NUB1: variants seen among roughly 807,000 people sequenced by gnomAD.
The protein encoded by NUB1 is negative regulator of ubiquitin like proteins 1.
A neutral mutation model predicts 77.1 loss-of-function variants in NUB1; 41 were observed. That is an observed-to-expected ratio of 0.53 (90% CI 0.41 to 0.69). The LOEUF is 0.69. Among genes scored for constraint, NUB1 ranks in the 30% least tolerant of loss-of-function variants. The pLI is 0.00. For synonymous variants in NUB1, 257 were observed against 281.0 expected (o/e 0.91, Z 0.85); for missense variants, 643 against 743.8 (o/e 0.86, Z 1.58).
At chr7:151,360,534 T>C in intron 8 of NUB1, 1 of 298,234 alleles carries the variant, frequency 3.4e-6, no homozygotes, top group Non-Finnish European at 6.2e-6. Context: ...TCCTGTCAGC[T>C]TTTCACCTAA....
chr7:151,349,016 T>C, intron 2 of NUB1, 57 bp from the exon 3 acceptor site: 1 of 1,528,874 alleles, frequency 6.5e-7, no homozygotes, highest in Non-Finnish European at 8.9e-7. Context: ...TGCCCTTTTC[T>C]ATATTTTGCC....
chr7:151,345,470 T>C lies in NUB1; in HGVS notation c.117+4T>C. On this transcript the variant is annotated splice_donor_region_variant and intron_variant, in intron 2 of 14. Transcript: ENST00000568733. ...AAAAGTTGGTTTGGCATTAAAGGTA[T>C]TTTTCTTTTAAGACATCAATAATTA... is the stretch of plus-strand genomic sequence containing the variant. 3 of 1,468,464 alleles carry C rather than the reference T, an allele frequency of 2.0e-6. No homozygotes were observed. The highest frequency in any genetic ancestry group is 1.2e-5 in the South Asian group (1 of 83,566). 91.0% of individuals were successfully genotyped at this position (1,468,464 alleles called of 1,614,324 possible).
chr7:151,377,076 A>G lies in NUB1; in HGVS notation c.1699A>G (p.Met567Val), dbSNP rs1260636496. The change falls in exon 15 of 15, where the codon ATG becomes GTG. Residue 567 changes from methionine (M) to valine (V), a missense_variant. By Grantham distance (21) the Met-to-Val change is conservative (BLOSUM62 1). Coordinates refer to ENST00000568733, the MANE Select transcript of NUB1 (RefSeq NM_001243351.2). ...GTSSASTDED[M>V]ETEAVNEILE... ...CTCTAGTGCCTCAACAGACGAAGAC[A>G]TGGAGACAGAGGCCGTCAATGAGAT... is the stretch of plus-strand genomic sequence containing the variant. 5 of 1,572,974 alleles carry G rather than the reference A, an allele frequency of 3.2e-6. No homozygotes were observed. The highest frequency in any genetic ancestry group is 1.7e-4 in the Middle Eastern group (1 of 6,000).
At chr7:151,356,786 C>G (rs1372634526) in intron 7 of NUB1, among the ~76,000 whole-genome samples, 1 of 152,182 alleles carries the variant, frequency 6.6e-6, no homozygotes, top group East Asian at 1.9e-4. Flanking sequence ...GGCTCAGTCT[C>G]AGCTCACTGC....
chr7:151,345,339 T>C lies in NUB1; in HGVS notation c.-2-9T>C. On this transcript the variant is annotated splice_polypyrimidine_tract_variant and intron_variant, in intron 1 of 14. Coordinates refer to ENST00000568733, the MANE Select transcript of NUB1 (RefSeq NM_001243351.2). ...GTGGAGTTTTATTAATGTATTGTTT[T>C]GCTTTCAGGGATGGCACAAAAGAAA... The C allele has an allele frequency of 6.5e-7, 1 of 1,547,472 alleles. No homozygotes were observed. Among genetic ancestry groups the C allele is most frequent in the South Asian group, 1.1e-5 (1 of 88,252 alleles).
At chr7:151,366,717 C>G (rs926303008) in intron 8 of NUB1, among the ~76,000 whole-genome samples, 1 of 152,158 alleles carries the variant, frequency 6.6e-6, no homozygotes, top group African/African-American at 2.4e-5. Context: ...GCTTTGATTC[C>G]TAAGCCCTGA....
At chr7:151,368,945 C>G in intron 11 of NUB1, 58 bp downstream of exon 11, 1 of 1,506,772 alleles carries the variant, frequency 6.6e-7, no homozygotes, top group East Asian at 2.4e-5. Context: ...AAAAGATAAT[C>G]CCACAGGAGT....
chr7:151,358,031 A>G (rs996378468), intron 7 of NUB1, among the ~76,000 whole-genome samples: 3 of 151,978 alleles, frequency 2.0e-5, no homozygotes, highest in Admixed American at 2.0e-4. Flanking sequence ...GCTAGAGTGC[A>G]GTGGCACAAT....
At chr7:151,342,535 T>G (rs1338100751) in intron 1 of NUB1, among the ~76,000 whole-genome samples, 2 of 152,222 alleles carry the variant, frequency 1.3e-5, no homozygotes, top group African/African-American at 4.8e-5. Context: ...TCGTCTTTTC[T>G]TAGTTACAAT....
intron 11 of NUB1, among the ~76,000 whole-genome samples, chr7:151,372,608 A>G (rs2108725): frequency 0.66 from 100,483 of 152,074 alleles, 33,726 homozygotes; most frequent in East Asian, 0.88. Context: ...TCCTGCTGGC[A>G]TGTGTGGTTG....
intron 2 of NUB1, among the ~76,000 whole-genome samples, chr7:151,347,958 A>T (rs775096357): frequency 2.6e-5 from 4 of 152,218 alleles, no homozygotes; most frequent in Non-Finnish European, 5.9e-5. Context: ...ACATGCAGAT[A>T]CAGATTGAGA....
At chr7:151,360,312 C>T in intron 8 of NUB1, 65 bp downstream of exon 8, 2 of 680,948 alleles carry the variant, frequency 2.9e-6, no homozygotes, top group South Asian at 1.7e-5. Context: ...TACAGAACAC[C>T]CTGCCATGCC....
chr7:151,362,240 GT>G (rs1041761026), intron 8 of NUB1, among the ~76,000 whole-genome samples: 2 of 149,896 alleles, frequency 1.3e-5, no homozygotes, highest in Admixed American at 1.3e-4. Flanking sequence ...AGTAGAGAAA[GT>G]TTTTTTTTTC....
At chr7:151,369,672 G>A (rs1174059159) in intron 11 of NUB1, among the ~76,000 whole-genome samples, 1 of 152,140 alleles carries the variant, frequency 6.6e-6, no homozygotes, top group African/African-American at 2.4e-5. Context: ...AGGTCTAGAG[G>A]GCGGTCATGG....
intron 1 of NUB1, among the ~76,000 whole-genome samples, chr7:151,344,864 G>A (rs544363393): frequency 6.6e-6 from 1 of 152,202 alleles, no homozygotes; most frequent in Admixed American, 6.5e-5. Context: ...GCCGGGCGTG[G>A]TGGCGCATGC....
At chr7:151,347,847 G>A (rs28589754) in intron 2 of NUB1, among the ~76,000 whole-genome samples, 216 of 152,218 alleles carry the variant, frequency 1.4e-3, no homozygotes, top group African/African-American at 4.5e-3. Context: ...TAATTTTTAC[G>A]TACTACATGG....
At position 151,376,661 on chromosome 7, in the gene NUB1, G is replaced by A. The variant is rs202096934; in HGVS notation, c.1519G>A (p.Val507Met). ...RLVYMGFDAL[V>M]AEAALRVFRG... is the part of the protein sequence containing the mutation. The stretch of plus-strand genomic sequence containing the variant: ...GGTGTACATGGGTTTTGATGCACTC[G>A]TGGCCGAAGCTGCGCTGAGAGTGTT... Residue 507 changes from valine to methionine, a missense_variant, in exon 14 of 15, where the codon GTG becomes ATG. By Grantham distance (21) the Val-to-Met change is conservative (BLOSUM62 1). Transcript: ENST00000568733. The A allele has an allele frequency of 3.2e-4, 508 of 1,611,522 alleles. No individual in the cohort carries two copies. Among genetic ancestry groups the A allele is most frequent in the African/African-American group, 1.5e-3 (111 of 74,994 alleles).
intron 5 of NUB1, among the ~76,000 whole-genome samples, chr7:151,354,952 C>G (rs1796993895): frequency 6.6e-6 from 1 of 152,162 alleles, no homozygotes; most frequent in Non-Finnish European, 1.5e-5. Context: ...CTGTGTTGCC[C>G]AGGCTGATCT....
intron 5 of NUB1, among the ~76,000 whole-genome samples, chr7:151,354,121 T>G (rs1377491794): frequency 6.6e-6 from 1 of 152,204 alleles, no homozygotes; most frequent in African/African-American, 2.4e-5. Flanking sequence ...GAGTCCCCCT[T>G]TCTATATAAA....
Sources: allele counts gnomAD v4.1 joint callset (sites outside exome capture counted in the v4.1 genomes callset), GRCh38; gene constraint gnomAD v4.1.1; transcripts MANE v1.5; gene names NCBI Gene and HGNC (gene_info 2026-07-23, HGNC 2026-07-21).